ADAM7: variants seen among roughly 807,000 people sequenced by gnomAD.
The protein encoded by ADAM7 is ADAM metallopeptidase domain 7, also known as disintegrin and metalloproteinase domain-containing protein 7.
Under a neutral mutation model 102.9 loss-of-function variants are expected in ADAM7, and 97 were observed. The observed-to-expected ratio is 0.94, with a 90% CI of 0.80 to 1.12. The LOEUF is 1.12. Among genes scored for constraint, ADAM7 ranks in the 50% most tolerant of loss-of-function variants. The pLI is 0.00. For missense variants in ADAM7, 991 were observed against 908.7 expected (o/e 1.09, Z -1.16); for synonymous variants, 334 against 304.4 (o/e 1.10, Z -1.01).
At chr8:24,479,238 G>A (rs895696313) in intron 8 of ADAM7, among the ~76,000 whole-genome samples, 4 of 152,062 alleles carry the variant, frequency 2.6e-5, no homozygotes, top group Non-Finnish European at 5.9e-5. Context: ...TCTTAGGGAA[G>A]CCCTGTCCAT....
At chr8:24,449,326 C>G (rs2129374244) in intron 3 of ADAM7, among the ~76,000 whole-genome samples, 1 of 152,282 alleles carries the variant, frequency 6.6e-6, no homozygotes, top group South Asian at 2.1e-4. Flanking sequence ...TGTTTCCTGA[C>G]TTTTTAATGA....
chr8:24,457,069 G>A (rs1033365804), intron 3 of ADAM7, among the ~76,000 whole-genome samples: 15 of 152,036 alleles, frequency 9.9e-5, no homozygotes, highest in Non-Finnish European at 2.2e-4. Flanking sequence ...GTAACTACCA[G>A]CAATGTATGA....
intron 11 of ADAM7, 82 bp from the exon 12 acceptor site, chr8:24,489,077 A>G: frequency 7.8e-7 from 1 of 1,286,392 alleles, no homozygotes. Context: ...TTCTTTTCAA[A>G]TGCTTCATAA....
At chr8:24,451,507 A>AT (rs1386709124) in intron 3 of ADAM7, among the ~76,000 whole-genome samples, 1 of 152,154 alleles carries the variant, frequency 6.6e-6, no homozygotes, top group African/African-American at 2.4e-5. Context: ...CCCCTTTATC[A>AT]TTTTTTATTG....
chr8:24,477,240 T>A (rs891152331), intron 8 of ADAM7, among the ~76,000 whole-genome samples: 3 of 152,210 alleles, frequency 2.0e-5, no homozygotes, highest in African/African-American at 7.2e-5. Context: ...CTGGGTCATA[T>A]GGAAAGTGTA....
chr8:24,465,283 C>T (rs1179829092), intron 4 of ADAM7, among the ~76,000 whole-genome samples: 2 of 152,110 alleles, frequency 1.3e-5, no homozygotes, highest in African/African-American at 4.8e-5. Flanking sequence ...CCTGATTGGA[C>T]TACCATGGGC....
intron 12 of ADAM7, chr8:24,490,508 T>A (rs1019585008): frequency 2.8e-5 from 8 of 284,108 alleles, no homozygotes; most frequent in African/African-American, 1.7e-4. Context: ...AGTATGACCC[T>A]TCAAGGAAAT....
At chr8:24,495,981 C>T (rs1445950256) in intron 16 of ADAM7, among the ~76,000 whole-genome samples, 1 of 152,206 alleles carries the variant, frequency 6.6e-6, no homozygotes, top group Admixed American at 6.5e-5. Context: ...GTCTCCAGAG[C>T]ATGTCACAGG....
At position 24,507,598 on chromosome 8, in the gene ADAM7, G is replaced by A. The variant is rs1245780829; in HGVS notation, c.2264+63G>A. 3 of 1,357,434 alleles carry A rather than the reference G, an allele frequency of 2.2e-6. No individual in the cohort carries two copies. The African/African-American group carries it at 4.3e-5, about 20-fold the overall frequency. The allele number at this position is 1,357,434 out of a possible 1,614,324, so 84.1% of individuals were successfully genotyped here. A position where few individuals can be genotyped will look rare whatever the true frequency, so the allele number is the denominator to read the frequency against. ...TTTTCAAATGCTGGCATAGTTTTGT[G>A]TTCTTTACCAACTCATTGATTTACT... On this transcript the variant is annotated intron_variant, in intron 21 of 21. Transcript: ENST00000175238.
In ADAM7 at chr8:24,487,174, G is replaced by A; in HGVS notation, c.961-13G>A. On this transcript the variant is annotated splice_polypyrimidine_tract_variant and intron_variant, in intron 10 of 21. Transcript: ENST00000175238. Reference sequence around the variant, plus strand: ...ACTTTTGAAAATTTCTAATGCAATTGTTTTATCATCAGGATCTTTTACCTG... The same window carrying A: ...ACTTTTGAAAATTTCTAATGCAATTATTTTATCATCAGGATCTTTTACCTG... The A allele has an allele frequency of 1.9e-6, 3 of 1,612,272 alleles. No homozygotes were observed. Among genetic ancestry groups the A allele is most frequent in the Non-Finnish European group, 2.5e-6 (3 of 1,179,026 alleles).
At chr8:24,476,586 GTAGT>G in intron 8 of ADAM7, 82 bp downstream of exon 8, 2 of 1,073,526 alleles carry the variant, frequency 1.9e-6, no homozygotes, top group Non-Finnish European at 2.8e-6. Context: ...CTGGACTATT[GTAGT>G]TACCTGATAT....
intron 3 of ADAM7, among the ~76,000 whole-genome samples, chr8:24,448,062 T>G (rs756947836): frequency 6.6e-6 from 1 of 151,636 alleles, no homozygotes; most frequent in Non-Finnish European, 1.5e-5. Flanking sequence ...ATAACCATAT[T>G]GATAATACAT....
intron 3 of ADAM7, among the ~76,000 whole-genome samples, chr8:24,448,939 G>T (rs556179360): frequency 3.8e-4 from 58 of 152,222 alleles, no homozygotes; most frequent in African/African-American, 1.1e-3. Flanking sequence ...TACTGAGAAT[G>T]ATGATTTCCA....
intron 20 of ADAM7, 76 bp downstream of exon 20, chr8:24,501,652 C>A (rs1338089554): frequency 1.8e-6 from 2 of 1,124,754 alleles, no homozygotes; most frequent in Non-Finnish European, 1.3e-6. Context: ...TAAAGTAGAA[C>A]CCGTCCTAAG....
In ADAM7 at chr8:24,505,859, T is replaced by C. The variant is rs1820932487; in HGVS notation, c.2209-1621T>C. ...GTGGCTGGTTAGGGAATTTCAGGCATACAGTCAATTAGCGATAGTAAGATT... is the reference window on the plus strand; with the variant it reads ...GTGGCTGGTTAGGGAATTTCAGGCACACAGTCAATTAGCGATAGTAAGATT... On this transcript the variant is annotated intron_variant, in intron 20 of 21. Transcript: ENST00000175238. Among the ~76,000 whole-genome samples the C allele has an allele frequency of 2.6e-5, 4 of 152,142 alleles. No individual in the cohort carries two copies. The South Asian group carries it at 8.3e-4, about 32-fold the overall frequency.
chr8:24,468,913 G>A (rs899462337), intron 7 of ADAM7, 93 bp downstream of exon 7: 9 of 1,212,776 alleles, frequency 7.4e-6, no homozygotes, highest in Non-Finnish European at 9.4e-6. Context: ...TCTAATCAGA[G>A]TTCTATTCTA....
intron 10 of ADAM7, among the ~76,000 whole-genome samples, chr8:24,486,798 T>C (rs552393313): frequency 8.5e-5 from 13 of 152,260 alleles, no homozygotes; most frequent in African/African-American, 3.1e-4. Context: ...TCCAAAGACT[T>C]CACCTCCTAG....
At chr8:24,491,523 G>T (rs1455194578) in intron 13 of ADAM7, among the ~76,000 whole-genome samples, 2 of 152,112 alleles carry the variant, frequency 1.3e-5, no homozygotes, top group Non-Finnish European at 2.9e-5. Flanking sequence ...GATTTATTGG[G>T]ACTGGAGATT....
chr8:24,466,739 A>G (rs1410763088), intron 5 of ADAM7, 60 bp from the exon 6 acceptor site: 5 of 1,500,234 alleles, frequency 3.3e-6, no homozygotes, highest in African/African-American at 2.8e-5. Context: ...GGCAAAGTCA[A>G]TACAATGAAA....
Sources: gnomAD v4.1 joint callset for allele counts (sites outside exome capture counted in the v4.1 genomes callset) on GRCh38, gnomAD v4.1.1 for gene constraint, MANE v1.5 for transcripts, NCBI Gene and HGNC (gene_info 2026-07-23, HGNC 2026-07-21) for gene names.